TSPEAR: variants seen among roughly 807,000 people sequenced by gnomAD.
TSPEAR encodes thrombospondin-type laminin G domain and EAR repeat-containing protein.
In TSPEAR, 69 loss-of-function variants were observed where a neutral mutation model predicts 71.6. The ratio of observed to expected loss-of-function variants is 0.96; its 90% CI spans 0.79 to 1.18. The LOEUF is 1.18. Ranked by LOEUF, TSPEAR falls within the 50% of genes most tolerant of loss-of-function variation. TSPEAR has a pLI of 0.00. For synonymous variants in TSPEAR, 402 were observed against 387.2 expected (o/e 1.04, Z -0.45); for missense variants, 971 against 894.9 (o/e 1.09, Z -1.09).
At chr21:44,644,456 A>G (rs782260815) in intron 1 of TSPEAR, among the ~76,000 whole-genome samples, 14 of 152,256 alleles carry the variant, frequency 9.2e-5, no homozygotes, top group Non-Finnish European at 1.8e-4. Context: ...ATATTTAAAG[A>G]GTTATAAAAA....
At chr21:44,502,891 A>T (rs1469994230) in intron 11 of TSPEAR, among the ~76,000 whole-genome samples, 1 of 146,764 alleles carries the variant, frequency 6.8e-6, no homozygotes, top group African/African-American at 2.6e-5. Context: ...GGCCTCGGTG[A>T]GCCCTCGGGG....
intron 1 of TSPEAR, chr21:44,658,269 G>A (rs1300672152): frequency 6.2e-7 from 1 of 1,613,076 alleles, no homozygotes; most frequent in East Asian, 2.2e-5. Context: ...TCCTGCTGCT[G>A]ACCAGCTGCT....
chr21:44,605,194 GA>G lies in TSPEAR; in HGVS notation c.83-37190del, dbSNP rs781995323. On this transcript the variant is annotated intron_variant, in intron 1 of 11. Transcript: ENST00000323084. ...AACAATGATCCAAAAAAGAGATTAA[GA>G]AAACAATACCATTTACAATAGCATG... Among the ~76,000 whole-genome samples, 293 of 152,106 alleles carry G rather than the reference GA, an allele frequency of 1.9e-3. 2 individuals are homozygous for G. The highest frequency in any genetic ancestry group is 3.1e-3 in the Non-Finnish European group (214 of 68,000).
At chr21:44,567,643 A>G in intron 2 of TSPEAR, 142 bp downstream of exon 2, 2 of 630,928 alleles carry the variant, frequency 3.2e-6, no homozygotes, top group East Asian at 6.3e-5. Flanking sequence ...ACTACCTAGC[A>G]AGGCCAGCCA....
chr21:44,697,493 T>C (rs1555950843), intron 1 of TSPEAR: 1 of 1,613,568 alleles, frequency 6.2e-7, no homozygotes, highest in Non-Finnish European at 8.5e-7. Context: ...CTGCACCTCC[T>C]CCCCCTGCCA....
chr21:44,526,238 G>T (rs1555914929), intron 7 of TSPEAR, among the ~76,000 whole-genome samples: 4 of 152,158 alleles, frequency 2.6e-5, no homozygotes, highest in Non-Finnish European at 5.9e-5. Context: ...CTGTGTCAGG[G>T]CAATGTGTGT....
intron 1 of TSPEAR, among the ~76,000 whole-genome samples, chr21:44,586,282 A>T (rs1348949190): frequency 6.6e-6 from 1 of 152,218 alleles, no homozygotes; most frequent in East Asian, 1.9e-4. Context: ...TGAATTTTAC[A>T]GTCAAGAAAA....
chr21:44,646,658 G>A (rs377224000), intron 1 of TSPEAR: 68 of 1,613,670 alleles, frequency 4.2e-5, no homozygotes, highest in Non-Finnish European at 5.7e-5. Flanking sequence ...CCCAGCGCCT[G>A]CCAATCAGGC....
chr21:44,654,345 C>T (rs1555942073), intron 1 of TSPEAR: 1 of 1,614,066 alleles, frequency 6.2e-7, no homozygotes, highest in Admixed American at 1.7e-5. Context: ...GCTGGCAGCA[C>T]CCAGAGGTTG....
Position 44,650,481 on chromosome 21 carries a change from A to C in TSPEAR, c.82+60952T>G, listed in dbSNP as rs9974496. Among the ~76,000 whole-genome samples, 11 of 29,084 alleles carry C rather than the reference A, an allele frequency of 3.8e-4. No homozygotes were observed. The East Asian group carries it at 8.9e-3, about 23-fold the overall frequency. 19.1% of individuals were successfully genotyped at this position (29,084 alleles called of 152,430 possible). On this transcript the variant is annotated intron_variant, in intron 1 of 11. Coordinates refer to ENST00000323084, the MANE Select transcript of TSPEAR (RefSeq NM_144991.3). ...AGAGATTGGGGCCACGTGATGACGG[A>C]GGCAGAGATTGGGCAATGCCCCTGC...
At chr21:44,628,069 C>A in intron 1 of TSPEAR, 2 of 1,600,068 alleles carry the variant, frequency 1.2e-6, no homozygotes, top group Admixed American at 1.7e-5. Flanking sequence ...TCCCCCAGGG[C>A]CAGCCGGGCT....
chr21:44,687,378 G>T lies in TSPEAR; in HGVS notation c.82+24055C>A, dbSNP rs1986906862. On this transcript the variant is annotated intron_variant, in intron 1 of 11. Coordinates refer to ENST00000323084, the MANE Select transcript of TSPEAR (RefSeq NM_144991.3). The surrounding 1 kb of genome is among the most constrained non-coding windows in gnomAD (Gnocchi z 4.4). The stretch of plus-strand genomic sequence containing the variant: ...GTATCATAACAGAAAAAACCGGAAC[G>T]GCCCATGTGCCCATTAGCTGGTGGA... Among the ~76,000 whole-genome samples, 1 of 152,082 alleles carries T rather than the reference G, an allele frequency of 6.6e-6. No homozygotes were observed. Among genetic ancestry groups the T allele is most frequent in the Non-Finnish European group, 1.5e-5 (1 of 67,998 alleles).
chr21:44,592,623 A>G (rs1980063739), intron 1 of TSPEAR: 3 of 1,345,514 alleles, frequency 2.2e-6, no homozygotes, highest in East Asian at 5.0e-5. Context: ...GTCTGCCGGG[A>G]TTAGGGGTGT....
chr21:44,691,451 C>G (rs1049904349), intron 1 of TSPEAR, among the ~76,000 whole-genome samples: 2 of 152,166 alleles, frequency 1.3e-5, no homozygotes, highest in African/African-American at 4.8e-5. Context: ...CATCAAGGAC[C>G]TATTCATCCA....
intron 1 of TSPEAR, chr21:44,574,919 C>T (rs1555923645): frequency 3.7e-6 from 6 of 1,612,438 alleles, no homozygotes; most frequent in Admixed American, 1.7e-5. Context: ...CCTCCTCCTG[C>T]CAACCCAGCT....
chr21:44,681,664 C>T, intron 1 of TSPEAR: 1 of 926,674 alleles, frequency 1.1e-6, no homozygotes, highest in Non-Finnish European at 1.6e-6. Flanking sequence ...TAGGCAAGTT[C>T]AGCCAGGGCT....
chr21:44,503,304 G>T (rs2052088984), intron 11 of TSPEAR, among the ~76,000 whole-genome samples: 5 of 146,282 alleles, frequency 3.4e-5, no homozygotes, highest in African/African-American at 1.3e-4. Flanking sequence ...GGGGAAGCAA[G>T]GCTCTGGGAG....
chr21:44,527,196 T>A (rs587737644), intron 7 of TSPEAR, 96 bp downstream of exon 7: 3 of 1,203,274 alleles, frequency 2.5e-6, no homozygotes, highest in Admixed American at 1.9e-5. Context: ...CGTGAGAAAC[T>A]CCTTTACCTG....
intron 1 of TSPEAR, among the ~76,000 whole-genome samples, chr21:44,667,984 C>T (rs1555945216): frequency 6.6e-6 from 1 of 152,090 alleles, no homozygotes; most frequent in Non-Finnish European, 1.5e-5. Flanking sequence ...AAACTGAAGG[C>T]TTTTTCTCTA....
Sources: allele counts gnomAD v4.1 joint callset (sites outside exome capture counted in the v4.1 genomes callset), GRCh38; gene constraint gnomAD v4.1.1; non-coding constraint Gnocchi (gnomAD v3.1); transcripts MANE v1.5; gene names NCBI Gene and HGNC (gene_info 2026-07-23, HGNC 2026-07-21).